Variants in KHDRBS2 observed in about 807,000 individuals in gnomAD.
KHDRBS2 encodes KH domain-containing, RNA-binding, signal transduction-associated protein 2.
KHDRBS2 carries 26 observed loss-of-function variants against 44.3 expected under a neutral mutation model. The ratio of observed to expected loss-of-function variants is 0.59; its 90% CI spans 0.43 to 0.81. KHDRBS2 has a LOEUF of 0.81. Ranked by LOEUF, KHDRBS2 falls within the 40% of genes least tolerant of loss-of-function variation. The pLI is 0.00. For missense variants in KHDRBS2, 476 were observed against 433.1 expected (o/e 1.10, Z -0.88); for synonymous variants, 194 against 151.1 (o/e 1.28, Z -2.08).
chr6:61,778,548 G>T (rs1185137782), intron 6 of KHDRBS2, among the ~76,000 whole-genome samples: 2 of 152,184 alleles, frequency 1.3e-5, no homozygotes, highest in African/African-American at 4.8e-5. Flanking sequence ...GCAGTTAAAA[G>T]AAAAAGATAA....
intron 3 of KHDRBS2, among the ~76,000 whole-genome samples, chr6:61,981,376 C>G (rs958785933): frequency 2.0e-5 from 3 of 151,832 alleles, no homozygotes; most frequent in Non-Finnish European, 4.4e-5. Flanking sequence ...TGTGTCTTAT[C>G]AGAATAATTT....
At chr6:61,632,963 T>A in the KHDRBS2 span, among the ~76,000 whole-genome samples, 1 of 152,136 alleles carries the variant, frequency 6.6e-6, no homozygotes, top group African/African-American at 2.4e-5. Flanking sequence ...AAAAAAGAAC[T>A]GAGTAAAAGC....
At chr6:61,588,476 A>G in the KHDRBS2 span, among the ~76,000 whole-genome samples, 20 of 152,328 alleles carry the variant, frequency 1.3e-4, no homozygotes, top group East Asian at 2.7e-3. Context: ...CATGATTTAA[A>G]TTGGTAAAAT....
intron 2 of KHDRBS2, among the ~76,000 whole-genome samples, chr6:62,065,561 C>A (rs886298384): frequency 5.6e-5 from 8 of 142,762 alleles, no homozygotes; most frequent in Non-Finnish European, 1.5e-5. Context: ...CATATTCTCA[C>A]TCATAGGTGG....
At chr6:62,064,280 C>T (rs1473320347) in intron 2 of KHDRBS2, among the ~76,000 whole-genome samples, 1 of 149,472 alleles carries the variant, frequency 6.7e-6, no homozygotes, top group Non-Finnish European at 1.5e-5. Flanking sequence ...GAAAAAACTA[C>T]TTTAAAGTTC....
intron 7 of KHDRBS2, among the ~76,000 whole-genome samples, chr6:61,722,903 G>A (rs113929308): frequency 0.012 from 1,830 of 152,012 alleles, 43 homozygotes; most frequent in African/African-American, 0.042. Context: ...TAGAGATGGG[G>A]TTTCACCATG....
intron 2 of KHDRBS2, among the ~76,000 whole-genome samples, chr6:62,075,131 G>GT (rs548443217): frequency 8.2e-4 from 125 of 152,004 alleles, no homozygotes; most frequent in African/African-American, 2.8e-3. Context: ...TGGTCTGAAT[G>GT]TTTGTGTCCT....
At chr6:61,585,744 C>A in the KHDRBS2 span, among the ~76,000 whole-genome samples, 4 of 152,078 alleles carry the variant, frequency 2.6e-5, no homozygotes, top group African/African-American at 7.2e-5. Flanking sequence ...TTAAATATTT[C>A]TTTGATAGTC....
In KHDRBS2 at chr6:62,251,346, C is replaced by G. The variant is rs1346245831; in HGVS notation, c.91+34512G>C. Among the ~76,000 whole-genome samples the G allele has an allele frequency of 4.0e-5, 6 of 151,718 alleles. No homozygotes were observed. The East Asian group carries it at 1.2e-3, about 29-fold the overall frequency. On this transcript the variant is annotated intron_variant, in intron 1 of 8. Transcript: ENST00000281156. Reference sequence around the variant, plus strand: ...CTTCAAATGGCTAATTAAAAAACCACAAATATGTAAAAATATGTAAATTTG... The same window carrying G: ...CTTCAAATGGCTAATTAAAAAACCAGAAATATGTAAAAATATGTAAATTTG...
chr6:61,655,225 T>TACAC, the KHDRBS2 span, among the ~76,000 whole-genome samples: 12,655 of 145,170 alleles, frequency 0.087, 550 homozygotes, highest in Middle Eastern at 0.12. Flanking sequence ...CATACATACA[T>TACAC]ACACACACAC....
the KHDRBS2 span, among the ~76,000 whole-genome samples, chr6:61,609,718 T>C: frequency 1.3e-5 from 2 of 152,224 alleles, no homozygotes; most frequent in African/African-American, 2.4e-5. Flanking sequence ...TTAGCTATTC[T>C]AAGTAGAAGT....
intron 2 of KHDRBS2, among the ~76,000 whole-genome samples, chr6:62,113,579 CA>C (rs1805530139): frequency 6.6e-6 from 1 of 152,060 alleles, no homozygotes; most frequent in South Asian, 2.1e-4. Flanking sequence ...CATATTATCC[CA>C]AATGCTATTT....
chr6:61,929,340 T>C (rs1809583902), intron 4 of KHDRBS2, among the ~76,000 whole-genome samples: 1 of 152,232 alleles, frequency 6.6e-6, no homozygotes, highest in African/African-American at 2.4e-5. Context: ...ATAGCTGTCT[T>C]TTAACAGGTG....
At chr6:61,791,807 C>T (rs1784678416) in intron 6 of KHDRBS2, among the ~76,000 whole-genome samples, 1 of 151,314 alleles carries the variant, frequency 6.6e-6, no homozygotes, top group Non-Finnish European at 1.5e-5. Flanking sequence ...GTTGTGTTTT[C>T]TTTTTAAAAA....
At chr6:61,842,135 GA>G (rs1463920744) in intron 6 of KHDRBS2, among the ~76,000 whole-genome samples, 2 of 152,100 alleles carry the variant, frequency 1.3e-5, no homozygotes, top group Non-Finnish European at 2.9e-5. Context: ...GATCTTAACT[GA>G]AAGCAATGTT....
intron 3 of KHDRBS2, among the ~76,000 whole-genome samples, chr6:62,005,390 C>T (rs1162234414): frequency 6.6e-6 from 1 of 151,628 alleles, no homozygotes; most frequent in African/African-American, 2.4e-5. Context: ...CAACACTCTC[C>T]AATTAAAAAA....
the KHDRBS2 span, among the ~76,000 whole-genome samples, chr6:61,607,833 G>A: frequency 9.9e-5 from 15 of 152,044 alleles, no homozygotes; most frequent in African/African-American, 3.1e-4. Flanking sequence ...GATTACAGCT[G>A]TGCACCACCA....
rs529129435 is a variant in KHDRBS2 at position 62,031,842 on chromosome 6, G to A, written c.336+16036C>T. On this transcript the variant is annotated intron_variant, in intron 3 of 8. Coordinates refer to ENST00000281156, the MANE Select transcript of KHDRBS2 (RefSeq NM_152688.4). Reference sequence around the variant, plus strand: ...GAAGGGAAGGACACAGACCTGGTGAGCTTTGCCACCTGCTGATTGTAGAAC... The same window carrying A: ...GAAGGGAAGGACACAGACCTGGTGAACTTTGCCACCTGCTGATTGTAGAAC... Among the ~76,000 whole-genome samples, 22 of 152,190 alleles carry A rather than the reference G, an allele frequency of 1.4e-4. 1 individual carries two copies. The South Asian group carries it at 4.6e-3, about 32-fold the overall frequency.
the KHDRBS2 span, among the ~76,000 whole-genome samples, chr6:61,565,515 G>C: frequency 2.0e-5 from 3 of 152,106 alleles, no homozygotes; most frequent in Non-Finnish European, 4.4e-5. Context: ...GGTCTAAATA[G>C]ATGCTTTTCA....
Sources: allele counts gnomAD v4.1 joint callset (sites outside exome capture counted in the v4.1 genomes callset), GRCh38; gene constraint gnomAD v4.1.1; transcripts MANE v1.5; gene names NCBI Gene and HGNC (gene_info 2026-07-23, HGNC 2026-07-21).